WDPCP: variants seen among roughly 807,000 people sequenced by gnomAD.
WDPCP encodes WD repeat containing planar cell polarity effector, also known as WD repeat-containing and planar cell polarity effector protein fritz homolog.
In WDPCP, 71 loss-of-function variants were observed where a neutral mutation model predicts 93.1. That is an observed-to-expected ratio of 0.76 (90% CI 0.63 to 0.93). The LOEUF is 0.93. Ranked by LOEUF, WDPCP falls within the 40% of genes least tolerant of loss-of-function variation. The probability of loss-of-function intolerance (pLI) is 0.00; values close to 1 mark genes in which losing one functional copy is unlikely to be tolerated. For missense variants in WDPCP, 844 were observed against 887.4 expected, an observed-to-expected ratio of 0.95 and a Z score of 0.62; for synonymous variants, 315 against 315.0, an observed-to-expected ratio of 1.00 and a Z score of 0.00.
intron 3 of WDPCP, chr2:63,643,622 G>T (rs62179394): frequency 2.2e-6 from 1 of 446,898 alleles, no homozygotes; most frequent in South Asian, 1.8e-5. Flanking sequence ...TGAACATCAT[G>T]AATCACCAGA....
chr2:63,292,274 C>T (rs184582916), intron 13 of WDPCP, among the ~76,000 whole-genome samples: 104 of 151,726 alleles, frequency 6.9e-4, no homozygotes, highest in African/African-American at 2.4e-3. Flanking sequence ...CACAAAATAA[C>T]CCTGTAATAG....
intron 1 of WDPCP, among the ~76,000 whole-genome samples, chr2:63,510,229 C>G (rs1375669257): frequency 6.6e-6 from 1 of 152,158 alleles, no homozygotes; most frequent in Non-Finnish European, 1.5e-5. Flanking sequence ...AAAGATTATC[C>G]ACCACGATCA....
intron 2 of WDPCP, among the ~76,000 whole-genome samples, chr2:63,728,051 G>C (rs1669515328): frequency 6.6e-6 from 1 of 152,070 alleles, no homozygotes; most frequent in African/African-American, 2.4e-5. Flanking sequence ...TTTATCAATA[G>C]GTCATAATGA....
chr2:63,284,074 T>A (rs183121138), intron 13 of WDPCP, among the ~76,000 whole-genome samples: 71 of 152,236 alleles, frequency 4.7e-4, no homozygotes, highest in African/African-American at 1.6e-3. Context: ...TGGGTACATA[T>A]AAAAGACTTT....
intron 14 of WDPCP, among the ~76,000 whole-genome samples, chr2:63,179,115 C>T (rs377643697): frequency 6.0e-5 from 9 of 150,192 alleles, no homozygotes; most frequent in South Asian, 2.1e-4. Context: ...GCTGGAGAAT[C>T]GCTTGACCAG....
chr2:63,803,200 G>C (rs1670719274), intron 2 of WDPCP, among the ~76,000 whole-genome samples: 1 of 152,050 alleles, frequency 6.6e-6, no homozygotes, highest in South Asian at 2.1e-4. Context: ...TTTTCACTTT[G>C]ACATTCATAC....
intron 10 of WDPCP, among the ~76,000 whole-genome samples, chr2:63,386,852 T>G (rs1192363442): frequency 6.6e-6 from 1 of 152,072 alleles, no homozygotes; most frequent in East Asian, 1.9e-4. Context: ...CAGAGGATAT[T>G]AGGAACACCT....
chr2:63,767,340 T>G (rs1670156194), intron 2 of WDPCP, among the ~76,000 whole-genome samples: 1 of 152,194 alleles, frequency 6.6e-6, no homozygotes, highest in Non-Finnish European at 1.5e-5. Context: ...GTGTAAGTTT[T>G]CATTTATCTG....
At position 63,268,412 on chromosome 2, in the gene WDPCP, G is replaced by A. The variant is rs554871429; in HGVS notation, c.1813-9003C>T. ...TTAGTGATCATTTACACTATATGAT[G>A]ACCAGCATTAATAGCAATGTATTGT... On this transcript the variant is annotated intron_variant, in intron 13 of 17. Coordinates refer to ENST00000272321, the MANE Select transcript of WDPCP (RefSeq NM_015910.7). Among the ~76,000 whole-genome samples, 3 of 152,214 alleles carry A rather than the reference G, an allele frequency of 2.0e-5. No individual in the cohort carries two copies. In the South Asian group the frequency reaches 6.2e-4, roughly 32 times the overall value.
At chr2:63,217,176 T>C (rs1677429671) in intron 14 of WDPCP, among the ~76,000 whole-genome samples, 2 of 152,330 alleles carry the variant, frequency 1.3e-5, no homozygotes, top group Admixed American at 6.5e-5. Context: ...TTTTTAATGG[T>C]TGGAAAAACA....
At chr2:63,342,491 C>G (rs751072653) in intron 12 of WDPCP, among the ~76,000 whole-genome samples, 1 of 152,074 alleles carries the variant, frequency 6.6e-6, no homozygotes, top group Admixed American at 6.6e-5. Flanking sequence ...TTCCAGTGTA[C>G]CATTTTAATC....
intron 2 of WDPCP, among the ~76,000 whole-genome samples, chr2:63,653,063 T>C (rs527363908): frequency 6.6e-6 from 1 of 152,326 alleles, no homozygotes; most frequent in South Asian, 2.1e-4. Flanking sequence ...GCTTTCTTCC[T>C]GGAAGCAATT....
chr2:63,793,413 AC>A (rs1670570868), intron 2 of WDPCP, among the ~76,000 whole-genome samples: 1 of 152,162 alleles, frequency 6.6e-6, no homozygotes, highest in African/African-American at 2.4e-5. Context: ...TTCAAGACCA[AC>A]GTGAGCAAAA....
intron 3 of WDPCP, among the ~76,000 whole-genome samples, chr2:63,606,366 C>T (rs888778250): frequency 2.0e-5 from 3 of 152,030 alleles, no homozygotes; most frequent in Admixed American, 2.0e-4. Context: ...AGAACGGGAC[C>T]CTGTCCCCCA....
At chr2:63,672,147 G>A (rs557919074) in intron 2 of WDPCP, among the ~76,000 whole-genome samples, 2 of 152,222 alleles carry the variant, frequency 1.3e-5, no homozygotes, top group African/African-American at 2.4e-5. Context: ...TGGAGGCCTC[G>A]ACATTGAACT....
chr2:63,516,976 G>GA (rs1378513810), intron 1 of WDPCP, among the ~76,000 whole-genome samples: 4 of 151,398 alleles, frequency 2.6e-5, no homozygotes, highest in East Asian at 3.9e-4. Context: ...AAGTGAAAGA[G>GA]AAAAAAAGAA....
chr2:63,308,949 C>T (rs1404558312), intron 13 of WDPCP, among the ~76,000 whole-genome samples: 1 of 152,110 alleles, frequency 6.6e-6, no homozygotes, highest in African/African-American at 2.4e-5. Flanking sequence ...AAAAGAATGA[C>T]ATCATGTCCT....
intron 10 of WDPCP, among the ~76,000 whole-genome samples, chr2:63,388,347 T>C (rs1039259699): frequency 1.3e-5 from 2 of 151,572 alleles, no homozygotes; most frequent in Non-Finnish European, 2.9e-5. Flanking sequence ...CAGAAAGGAA[T>C]TGAACATCAA....
Position 63,827,417 on chromosome 2 carries a change from C to T in WDPCP, n.222+205G>A, listed in dbSNP as rs541483886. 4.6e-5 allele frequency among the ~76,000 whole-genome samples: 7 copies of T among 152,220 alleles called. 1 individual carries two copies. The East Asian group carries it at 1.2e-3, about 25-fold the overall frequency. On this transcript the variant is annotated intron_variant and non_coding_transcript_variant, in intron 1 of 4. Coordinates refer to the WDPCP transcript ENST00000467687. ...TGCACAGGTTTTATGGTCTCCTATACATGTTGATTGCATATTGGCCTTATT... is the reference window on the plus strand; with the variant it reads ...TGCACAGGTTTTATGGTCTCCTATATATGTTGATTGCATATTGGCCTTATT...
Sources: gnomAD v4.1 joint callset for allele counts (sites outside exome capture counted in the v4.1 genomes callset) on GRCh38, gnomAD v4.1.1 for gene constraint, MANE v1.5 for transcripts, NCBI Gene and HGNC (gene_info 2026-07-23, HGNC 2026-07-21) for gene names.